POLA1: variants seen among roughly 807,000 people sequenced by gnomAD.
POLA1 encodes DNA polymerase alpha catalytic subunit.
In POLA1, 15 loss-of-function variants were observed where a neutral mutation model predicts 124.0. The observed-to-expected ratio is 0.12, with a 90% confidence interval of 0.08 to 0.19. POLA1 has a LOEUF of 0.19. POLA1 is among the 10% of genes least tolerant of loss of function. The probability of loss-of-function intolerance (pLI) is 1.00; values close to 1 mark genes in which losing one functional copy is unlikely to be tolerated. For synonymous variants in POLA1, 408 were observed against 389.4 expected, an observed-to-expected ratio of 1.05 and a Z score of -0.56; for missense variants, 886 against 1,103.4, an observed-to-expected ratio of 0.80 and a Z score of 2.79.
At chrX:24,795,389 C>T (rs2148474861) in intron 26 of POLA1, among the ~76,000 whole-genome samples, 1 of 111,727 alleles carries the variant, frequency 9.0e-6, no homozygotes, top group East Asian at 2.8e-4. Context: ...TGTATACCCT[C>T]AATGGTGTTG....
intron 34 of POLA1, among the ~76,000 whole-genome samples, chrX:24,884,788 T>G (rs1401657591): frequency 1.8e-5 from 2 of 112,227 alleles, no homozygotes; most frequent in African/African-American, 6.5e-5. Flanking sequence ...TAAAGGGAGA[T>G]TAACAGATAG....
intron 10 of POLA1, 77 bp from the exon 11 acceptor site, chrX:24,723,078 G>T (rs975180573): frequency 4.4e-6 from 3 of 684,284 alleles, no homozygotes; most frequent in Non-Finnish European, 7.1e-6. Context: ...GACACATTCA[G>T]TGAGCCTCTA....
At chrX:24,697,882 GT>G (rs1267502812) in intron 1 of POLA1, among the ~76,000 whole-genome samples, 1 of 110,512 alleles carries the variant, frequency 9.0e-6, no homozygotes, top group Non-Finnish European at 1.9e-5. Context: ...AGGCAGCACT[GT>G]TATGCTTGAC....
rs769393305 is a variant in POLA1, at chrX:24,976,341, G to A, written c.4262-19464G>A. Among the ~76,000 whole-genome samples, 54 of 112,038 alleles carry A rather than the reference G, an allele frequency of 4.8e-4. 1 individual carries two copies. The highest frequency in any genetic ancestry group is 1.7e-3 in the African/African-American group (53 of 30,855). ...TGCCACTGTTGTCGGCCTGTGTCCT[G>A]CCCACCTCTGTATGCACAGCCACAA... is the stretch of plus-strand genomic sequence containing the variant. On this transcript the variant is annotated intron_variant, in intron 36 of 36. Coordinates refer to ENST00000379068, the MANE Select transcript of POLA1 (RefSeq NM_001330360.2).
At chrX:24,743,365 T>A (rs1206953337) in intron 23 of POLA1, 36 bp downstream of exon 23, 11 of 716,631 alleles carry the variant, frequency 1.5e-5, no homozygotes, top group Middle Eastern at 6.0e-4. Context: ...TCTCCCAGTA[T>A]TAAGGAATTT....
intron 35 of POLA1, among the ~76,000 whole-genome samples, chrX:24,927,566 A>G (rs372729123): frequency 2.7e-5 from 3 of 111,568 alleles, no homozygotes; most frequent in East Asian, 5.6e-4. Flanking sequence ...TACAGTAGCT[A>G]TTTCAGCTCA....
intron 36 of POLA1, among the ~76,000 whole-genome samples, chrX:24,949,973 C>T (rs1040289993): frequency 4.2e-4 from 46 of 110,744 alleles, no homozygotes; most frequent in African/African-American, 1.4e-3. Context: ...ACCTTGTGAT[C>T]CGCCCACCTC....
intron 32 of POLA1, among the ~76,000 whole-genome samples, chrX:24,835,111 G>C (rs192940282): frequency 0.01 from 1,107 of 107,424 alleles, 17 homozygotes; most frequent in African/African-American, 0.036. Flanking sequence ...GCAGTGGTGC[G>C]ATCTCGGATC....
chrX:24,923,799 A>AT (rs201113077), intron 35 of POLA1, among the ~76,000 whole-genome samples: 17 of 110,871 alleles, frequency 1.5e-4, no homozygotes, highest in Admixed American at 1.1e-3. Flanking sequence ...GCAAACCAGT[A>AT]TTTTTTTTTC....
chrX:24,923,030 G>A (rs368491009), intron 35 of POLA1, among the ~76,000 whole-genome samples: 3 of 111,407 alleles, frequency 2.7e-5, no homozygotes, highest in East Asian at 5.6e-4. Flanking sequence ...CTTTTGTAGG[G>A]AGGACAGTAA....
chrX:24,941,847 C>A (rs1254857840), intron 36 of POLA1, among the ~76,000 whole-genome samples: 1 of 112,064 alleles, frequency 8.9e-6, no homozygotes, highest in Non-Finnish European at 1.9e-5. Context: ...TAGCACCATC[C>A]CCTAGAGCTT....
chrX:24,978,547 A>C (rs1840559531), intron 36 of POLA1, among the ~76,000 whole-genome samples: 1 of 112,167 alleles, frequency 8.9e-6, no homozygotes, highest in African/African-American at 3.2e-5. Context: ...TAAGCACCAG[A>C]CACTATTATA....
intron 36 of POLA1, among the ~76,000 whole-genome samples, chrX:24,934,316 C>T (rs2047820971): frequency 8.9e-6 from 1 of 111,961 alleles, no homozygotes; most frequent in South Asian, 3.7e-4. Context: ...AGTGACATTC[C>T]TCATGTCAGA....
intron 36 of POLA1, among the ~76,000 whole-genome samples, chrX:24,959,408 G>A (rs1242697029): frequency 9.2e-6 from 1 of 108,447 alleles, no homozygotes; most frequent in Admixed American, 9.8e-5. Flanking sequence ...AGGTTGCAGT[G>A]AGCCAAGAGC....
intron 10 of POLA1, 146 bp from the exon 11 acceptor site, chrX:24,723,009 G>A (rs1930297369): frequency 2.1e-6 from 1 of 470,727 alleles, no homozygotes; most frequent in Non-Finnish European, 3.8e-6. Flanking sequence ...TGGTCTTGGG[G>A]AGTGGGAAAT....
intron 10 of POLA1, among the ~76,000 whole-genome samples, chrX:24,720,430 A>T (rs200029099): frequency 8.9e-6 from 1 of 112,290 alleles, no homozygotes; most frequent in Non-Finnish European, 1.9e-5. Flanking sequence ...GTGTTTAATA[A>T]ATAGTTGTTG....
At chrX:24,775,416 A>T (rs1436916808) in intron 26 of POLA1, 1 of 112,158 alleles carries the variant, frequency 8.9e-6, no homozygotes, top group African/African-American at 3.2e-5. Flanking sequence ...GTTCTTTTGT[A>T]GCCGTATTAA....
intron 34 of POLA1, among the ~76,000 whole-genome samples, chrX:24,870,369 A>C (rs755317562): frequency 8.9e-6 from 1 of 112,087 alleles, no homozygotes; most frequent in Non-Finnish European, 1.9e-5. Flanking sequence ...CTCATCCCCA[A>C]GGAATTCAAA....
chrX:24,995,429 G>A (rs113508277), intron 36 of POLA1, among the ~76,000 whole-genome samples: 2,608 of 112,092 alleles, frequency 0.023, 33 homozygotes, highest in African/African-American at 0.057. Context: ...GAGACTAGGT[G>A]TTTCCTGCCA....
Sources: gnomAD v4.1 joint callset for allele counts (sites outside exome capture counted in the v4.1 genomes callset) on GRCh38, gnomAD v4.1.1 for gene constraint, MANE v1.5 for transcripts, NCBI Gene and HGNC (gene_info 2026-07-23, HGNC 2026-07-21) for gene names.